ARL6: variants seen among roughly 807,000 people sequenced by gnomAD.
ARL6 encodes the protein ARF like GTPase 6.
A neutral mutation model predicts 27.1 loss-of-function variants in ARL6; 18 were observed. The ratio of observed to expected loss-of-function variants is 0.66; its 90% CI spans 0.46 to 0.98. ARL6 has a LOEUF of 0.98. Ranked by LOEUF, ARL6 falls within the 50% of genes least tolerant of loss-of-function variation. The pLI is 0.00. For missense variants in ARL6, 187 were observed against 214.9 expected (o/e 0.87, Z 0.81); for synonymous variants, 65 against 72.3 (o/e 0.90, Z 0.51).
chr3:97,796,926 C>T (rs2038031056), intron 7 of ARL6, among the ~76,000 whole-genome samples: 1 of 152,112 alleles, frequency 6.6e-6, no homozygotes, highest in African/African-American at 2.4e-5. Context: ...AATTTACTTT[C>T]TGTCCTTTTT....
intron 6 of ARL6, among the ~76,000 whole-genome samples, chr3:97,790,087 G>A (rs1488210044): frequency 1.3e-5 from 2 of 151,674 alleles, no homozygotes; most frequent in Non-Finnish European, 2.9e-5. Context: ...GTGTGTGTGT[G>A]TGTGCATGTT....
chr3:97,779,321 C>T (rs969782281), intron 2 of ARL6, among the ~76,000 whole-genome samples: 3 of 152,130 alleles, frequency 2.0e-5, no homozygotes, highest in Non-Finnish European at 2.9e-5. Flanking sequence ...TGTCATGGTT[C>T]TTCCCCTCCT....
chr3:97,777,640 CTT>C (rs1408615091), intron 2 of ARL6, among the ~76,000 whole-genome samples: 3 of 152,108 alleles, frequency 2.0e-5, no homozygotes, highest in African/African-American at 7.2e-5. Flanking sequence ...TTCCTATACT[CTT>C]TGTTTACTTT....
At chr3:97,769,948 A>G (rs79987807) in intron 2 of ARL6, among the ~76,000 whole-genome samples, 1 of 152,054 alleles carries the variant, frequency 6.6e-6, no homozygotes, top group Non-Finnish European at 1.5e-5. Context: ...GATGGACAAA[A>G]GTGTATTCCA....
chr3:97,789,557 A>G (rs1465717189), intron 6 of ARL6, among the ~76,000 whole-genome samples: 1 of 152,124 alleles, frequency 6.6e-6, no homozygotes, highest in African/African-American at 2.4e-5. Flanking sequence ...AAAAAAAGTA[A>G]TATCCTGATG....
intron 5 of ARL6, among the ~76,000 whole-genome samples, chr3:97,786,101 A>G (rs748270086): frequency 1.3e-5 from 2 of 152,000 alleles, no homozygotes; most frequent in Non-Finnish European, 2.9e-5. Flanking sequence ...TAATCCCAGC[A>G]CTTTGGGAGG....
chr3:97,780,710 A>G, intron 4 of ARL6, 27 bp downstream of exon 4: 2 of 1,539,940 alleles, frequency 1.3e-6, no homozygotes, highest in Non-Finnish European at 9.0e-7. Flanking sequence ...ATGTTGCTTA[A>G]CTAGATGGTT....
Position 97,768,159 on chromosome 3 carries a change from G to A in ARL6, c.52G>A (p.Val18Ile), listed in dbSNP as rs1559668134. ...CTTGCTTGGCCTGAAGAAGAAGGAG[G>A]TTCATGTTTTGTGCCTTGGGCTAGA... Reference protein sequence around the residue: ...SVLLGLKKKEVHVLCLGLDNS... With the variant: ...SVLLGLKKKEIHVLCLGLDNS... The change falls in exon 2 of 8, where the codon GTT becomes ATT. Residue 18 changes from valine (V) to isoleucine (I), a missense_variant. Coordinates refer to ENST00000463745, the MANE Select transcript of ARL6 (RefSeq NM_001278293.3). 3.1e-6 allele frequency: 5 copies of A among 1,600,498 alleles called. No individual in the cohort carries two copies. The highest frequency in any genetic ancestry group is 3.3e-5 in the Admixed American group (2 of 59,928).
chr3:97,765,656 T>G (rs2036344443), intron 1 of ARL6, among the ~76,000 whole-genome samples: 1 of 152,208 alleles, frequency 6.6e-6, no homozygotes, highest in South Asian at 2.1e-4. Flanking sequence ...TAGTTCTCAA[T>G]AGTAACTTCA....
Position 97,785,007 on chromosome 3 carries a change from G to C in ARL6, c.307G>C (p.Val103Leu). The change falls in exon 5 of 8, where the codon GTT (valine) becomes CTT (leucine). Residue 103 changes from valine (V) to leucine (L), a missense_variant. Physicochemically the swap from Val to Leu is conservative, Grantham distance 32. Transcript: ENST00000463745. Reference sequence around the variant, plus strand: ...TGATAGTAGTGATAGATTAAGAATGGTTGTGGCCAAAGAAGAACTCGATAC... The same window carrying C: ...TGATAGTAGTGATAGATTAAGAATGCTTGTGGCCAAAGAAGAACTCGATAC... ...VIDSSDRLRM[V>L]VAKEELDTLL... is the part of the protein sequence containing the mutation. 1 of 1,613,060 alleles carries C rather than the reference G, an allele frequency of 6.2e-7. No individual in the cohort carries two copies. The highest frequency in any genetic ancestry group is 8.5e-7 in the Non-Finnish European group (1 of 1,179,370).
chr3:97,796,874 G>A (rs2108109156), intron 7 of ARL6, among the ~76,000 whole-genome samples: 1 of 152,278 alleles, frequency 6.6e-6, no homozygotes, highest in African/African-American at 2.4e-5. Context: ...AGTGCATTTT[G>A]ACAGTAGAAT....
intron 2 of ARL6, among the ~76,000 whole-genome samples, chr3:97,775,382 TG>T (rs1469617571): frequency 6.6e-6 from 1 of 152,044 alleles, no homozygotes; most frequent in East Asian, 1.9e-4. Context: ...ACTTGAAGTC[TG>T]ATGTTCAAGG....
chr3:97,795,719 T>C (rs2037968794), intron 7 of ARL6, among the ~76,000 whole-genome samples: 1 of 152,076 alleles, frequency 6.6e-6, no homozygotes, highest in South Asian at 2.1e-4. Context: ...AAAATAAGGA[T>C]GAACGTGGGA....
At chr3:97,791,963 A>G in intron 7 of ARL6, 137 bp downstream of exon 7, 2 of 739,842 alleles carry the variant, frequency 2.7e-6, no homozygotes, top group Admixed American at 4.9e-5. Flanking sequence ...AAAAAACAAT[A>G]CAGTAAGTAT....
At chr3:97,768,316 G>C in intron 2 of ARL6, 86 bp downstream of exon 2, 1 of 1,376,554 alleles carries the variant, frequency 7.3e-7, no homozygotes, top group Non-Finnish European at 1.0e-6. Context: ...CGTTAAAACC[G>C]CATATAATCA....
intron 2 of ARL6, among the ~76,000 whole-genome samples, chr3:97,771,006 CTT>C (rs1404508248): frequency 6.6e-6 from 1 of 151,728 alleles, no homozygotes; most frequent in African/African-American, 2.4e-5. Context: ...TATTTGGGGT[CTT>C]TTATGGTTTC....
intron 5 of ARL6, 76 bp downstream of exon 5, chr3:97,785,125 C>A: frequency 1.8e-6 from 2 of 1,096,764 alleles, no homozygotes; most frequent in Non-Finnish European, 1.4e-6. Flanking sequence ...TTGGGTATTG[C>A]TTATACTATG....
intron 2 of ARL6, among the ~76,000 whole-genome samples, chr3:97,775,482 T>C (rs1479395792): frequency 1.3e-5 from 2 of 152,054 alleles, no homozygotes; most frequent in African/African-American, 4.8e-5. Context: ...CTGCTTTATA[T>C]ATTCTGGCCA....
intron 2 of ARL6, among the ~76,000 whole-genome samples, chr3:97,773,590 T>C (rs2108002581): frequency 6.6e-6 from 1 of 152,308 alleles, no homozygotes; most frequent in Non-Finnish European, 1.5e-5. Flanking sequence ...ACCGGAAATA[T>C]ACCAATCCCC....
Sources: allele counts gnomAD v4.1 joint callset (sites outside exome capture counted in the v4.1 genomes callset), GRCh38; gene constraint gnomAD v4.1.1; transcripts MANE v1.5; gene names NCBI Gene and HGNC (gene_info 2026-07-23, HGNC 2026-07-21).